TACC2: variants seen among roughly 807,000 people sequenced by gnomAD.
The protein encoded by TACC2 is transforming acidic coiled-coil-containing protein 2.
A neutral mutation model predicts 227.3 loss-of-function variants in TACC2; 137 were observed. The ratio of observed to expected loss-of-function variants is 0.60; its 90% CI spans 0.52 to 0.69. The LOEUF (loss-of-function observed/expected upper bound fraction) is 0.69, where lower values mean the gene tolerates loss of function less well. Among genes scored for constraint, TACC2 ranks in the 30% least tolerant of loss-of-function variants. The pLI, the probability that TACC2 is intolerant of heterozygous loss-of-function variation, is 0.00. For synonymous variants in TACC2, 1,523 were observed against 1,487.5 expected (o/e 1.02, Z -0.55); for missense variants, 3,470 against 3,694.4 (o/e 0.94, Z 1.57).
chr10:122,078,861 T>C (rs1312977162), intron 3 of TACC2: 1 of 152,250 alleles, frequency 6.6e-6, no homozygotes, highest in East Asian at 1.9e-4. Context: ...TGGGTTCTTA[T>C]TTGGGAGGAG....
At chr10:122,006,464 A>G (rs139876823) in intron 1 of TACC2, among the ~76,000 whole-genome samples, 37,352 of 151,634 alleles carry the variant, frequency 0.25, 5,149 homozygotes, top group East Asian at 0.42. Flanking sequence ...ATAAATAAAT[A>G]AATAAATAAA....
In TACC2 at chr10:122,211,454, T is replaced by G. The variant is rs1181478921; in HGVS notation, c.7029T>G (p.Asp2343Glu). 3 of 1,614,008 alleles carry G rather than the reference T, an allele frequency of 1.9e-6. No homozygotes were observed. The highest frequency in any genetic ancestry group is 2.5e-6 in the Non-Finnish European group (3 of 1,180,042). ...GTYTFDIDKW[D>E]DPNFNPFSST... ...ACACCTTTGATATTGACAAGTGGGA[T>G]GACCCCAATTTTAACCCTTTTTCTT... The change falls in exon 9 of 23, where the codon GAT (aspartate) becomes GAG (glutamate). Residue 2343 changes from aspartate (D) to glutamate (E), a missense_variant. By Grantham distance (45) the Asp-to-Glu change is conservative. This residue lies in a region of TACC2 where 593 missense variants were observed against 636.6 expected (regional missense o/e 0.93). Coordinates refer to ENST00000369005, the MANE Select transcript of TACC2 (RefSeq NM_206862.4).
chr10:122,227,852 G>T lies in TACC2; in HGVS notation c.7740G>T (p.Glu2580Asp). 6.2e-7 allele frequency: 1 copy of T among 1,613,526 alleles called. No homozygotes were observed. Among genetic ancestry groups the T allele is most frequent in the South Asian group, 1.1e-5 (1 of 90,964 alleles). ...CTTCCCCCAGGTCAAGTTTTGAAGAGACTGAAGCCCTTGTGAACACTGCTG... is the reference window on the plus strand; with the variant it reads ...CTTCCCCCAGGTCAAGTTTTGAAGATACTGAAGCCCTTGTGAACACTGCTG... ...PTPCSGSSFE[E>D]TEALVNTAAK... The change falls in exon 14 of 23, where the codon GAG (glutamate) becomes GAT (aspartate). Residue 2580 changes from glutamate to aspartate, a missense_variant. By Grantham distance (45) the Glu-to-Asp change is conservative (BLOSUM62 2). This residue lies in a region of TACC2 where 345 missense variants were observed against 354.4 expected (regional missense o/e 0.97). Transcript: ENST00000369005.
At chr10:122,223,051 C>T (rs867466662) in intron 11 of TACC2, among the ~76,000 whole-genome samples, 2 of 133,784 alleles carry the variant, frequency 1.5e-5, no homozygotes, top group African/African-American at 3.0e-5. Context: ...CTCTCTCTCT[C>T]TCTTTTTTTT....
chr10:122,009,793 G>T (rs1955696574), intron 1 of TACC2, among the ~76,000 whole-genome samples: 2 of 151,868 alleles, frequency 1.3e-5, no homozygotes, highest in African/African-American at 2.4e-5. Context: ...GGGCATGGGG[G>T]TGCGCGCCTG....
At chr10:122,096,557 A>G (rs936212822) in intron 5 of TACC2, among the ~76,000 whole-genome samples, 2 of 152,172 alleles carry the variant, frequency 1.3e-5, no homozygotes, top group Non-Finnish European at 2.9e-5. Flanking sequence ...TTCGCTGGGC[A>G]GGGTGGTGCA....
chr10:122,148,881 G>T (rs780952134), intron 7 of TACC2, among the ~76,000 whole-genome samples: 38 of 152,346 alleles, frequency 2.5e-4, no homozygotes, highest in Non-Finnish European at 5.0e-4. Context: ...CTGGGAAGGA[G>T]AGAGAGCTTC....
intron 7 of TACC2, among the ~76,000 whole-genome samples, chr10:122,191,290 G>C (rs548836299): frequency 6.6e-6 from 1 of 152,164 alleles, no homozygotes; most frequent in Non-Finnish European, 1.5e-5. Flanking sequence ...TAGGCAGGAC[G>C]TTTCTGAAGA....
intron 5 of TACC2, among the ~76,000 whole-genome samples, chr10:122,097,541 C>A (rs2081591991): frequency 6.6e-6 from 1 of 151,828 alleles, no homozygotes; most frequent in African/African-American, 2.4e-5. Flanking sequence ...GAGCGGGGCT[C>A]TGAAGTGGCC....
At chr10:122,137,838 A>G (rs2089955439) in intron 6 of TACC2, among the ~76,000 whole-genome samples, 1 of 152,082 alleles carries the variant, frequency 6.6e-6, no homozygotes, top group Non-Finnish European at 1.5e-5. Context: ...TTTTCTCCTC[A>G]CCTGTGAACA....
At chr10:122,047,449 G>C (rs2459104) in intron 2 of TACC2, among the ~76,000 whole-genome samples, 152,013 of 152,260 alleles carry the variant, frequency 1, 75,884 homozygotes, top group South Asian at 1. Context: ...CCCCTCAGGG[G>C]GGGGCAGGGG....
Position 122,132,802 on chromosome 10 carries a change from C to A in TACC2, c.5699+68C>A, listed in dbSNP as rs993276736. 2.6e-6 allele frequency: 4 copies of A among 1,535,846 alleles called. No homozygotes were observed. The African/African-American group carries it at 4.1e-5, about 16-fold the overall frequency. On this transcript the variant is annotated intron_variant, in intron 6 of 22. Transcript: ENST00000369005. ...CAATCCTTGAGGCTGCCTTCCCCCG[C>A]TCCCCTCCCTTCCCCTCCCCTCCTC...
At chr10:122,078,195 CAAAAAAAAAA>C (rs1175837364) in intron 3 of TACC2, among the ~76,000 whole-genome samples, 380 of 37,676 alleles carry the variant, frequency 0.01, 4 homozygotes, top group African/African-American at 0.038. Flanking sequence ...ACTCCATCTC[CAAAAAAAAAA>C]AAAAAAAAAA....
Position 122,226,437 on chromosome 10 carries a change from G to A in TACC2, c.7680G>A (p.Lys2560=), listed in dbSNP as rs2095630164. 6.2e-7 allele frequency: 1 copy of A among 1,614,058 alleles called. No homozygotes were observed. The highest frequency in any genetic ancestry group is 8.5e-7 in the Non-Finnish European group (1 of 1,180,014). ...MFDTSQESPV[K]SSPVRMSESP... The stretch of plus-strand genomic sequence containing the variant: ...ACACTTCTCAGGAGAGCCCTGTCAA[G>A]TCATCTCCCGTCCGCATGTCAGAGT... Residue 2560 remains lysine (K), a synonymous_variant, in exon 13 of 23, where the codon AAG becomes AAA. Transcript: ENST00000369005.
intron 6 of TACC2, among the ~76,000 whole-genome samples, chr10:122,135,825 C>T (rs1325882689): frequency 6.6e-6 from 1 of 152,218 alleles, no homozygotes; most frequent in Non-Finnish European, 1.5e-5. Flanking sequence ...GCCTTCTTGT[C>T]GTGGCTCTGG....
intron 5 of TACC2, among the ~76,000 whole-genome samples, chr10:122,092,548 G>A (rs908499139): frequency 6.6e-6 from 1 of 152,158 alleles, no homozygotes; most frequent in Non-Finnish European, 1.5e-5. Flanking sequence ...CTATTTTGAT[G>A]ACAGGATAGT....
intron 2 of TACC2, among the ~76,000 whole-genome samples, chr10:122,026,971 T>G (rs145833956): frequency 6.6e-6 from 1 of 152,344 alleles, no homozygotes; most frequent in African/African-American, 2.4e-5. Flanking sequence ...CTCCTTTTGG[T>G]AGATACCAGC....
Position 122,238,027 on chromosome 10 carries a change from A to G in TACC2, c.8338A>G (p.Met2780Val). Residue 2780 changes from methionine (M) to valine (V), a missense_variant, in exon 18 of 23, where the codon ATG (methionine) becomes GTG (valine). By Grantham distance (21) the Met-to-Val change is conservative. Around this residue, in one of 10 missense-constraint regions of TACC2, gnomAD observed 65 missense variants for 119.3 expected, o/e 0.54. Coordinates refer to ENST00000369005, the MANE Select transcript of TACC2 (RefSeq NM_206862.4). ...ATATGAAGAAAGCAGGCGGGAAGTGATGGAAATGAGGTCAGTTGGGGAGCT... is the reference window on the plus strand; with the variant it reads ...ATATGAAGAAAGCAGGCGGGAAGTGGTGGAAATGAGGTCAGTTGGGGAGCT... ...DKYEESRREVMEMRKIVAEYE... is the reference protein window; with the variant it reads ...DKYEESRREVVEMRKIVAEYE... 6.2e-7 allele frequency: 1 copy of G among 1,614,064 alleles called. No homozygotes were observed. Among genetic ancestry groups the G allele is most frequent in the East Asian group, 2.2e-5 (1 of 44,872 alleles).
chr10:122,143,755 C>T, intron 7 of TACC2, 49 bp downstream of exon 7: 1 of 1,592,860 alleles, frequency 6.3e-7, no homozygotes, highest in Non-Finnish European at 8.6e-7. Context: ...AGAGCAGGGG[C>T]CTGGTGGTCT....
Sources: allele counts gnomAD v4.1 joint callset (sites outside exome capture counted in the v4.1 genomes callset), GRCh38; gene constraint gnomAD v4.1.1; regional missense constraint gnomAD v4.1.1; transcripts MANE v1.5; gene names NCBI Gene and HGNC (gene_info 2026-07-23, HGNC 2026-07-21).